Variants in ZC3H13 observed in about 807,000 individuals in gnomAD.
ZC3H13 encodes the protein zinc finger CCCH-type containing 13.
ZC3H13 carries 64 observed loss-of-function variants against 204.1 expected under a neutral mutation model. The observed-to-expected ratio is 0.31, with a 90% CI of 0.26 to 0.39. The LOEUF (loss-of-function observed/expected upper bound fraction) is 0.39. ZC3H13 is among the 10% of genes least tolerant of loss of function. The pLI is 1.00. For missense variants in ZC3H13, 1,833 were observed against 2,082.7 expected (o/e 0.88, Z 2.33); for synonymous variants, 667 against 693.7 (o/e 0.96, Z 0.60).
At chr13:45,991,779 T>G (rs1288229850) in intron 8 of ZC3H13, among the ~76,000 whole-genome samples, 1 of 152,212 alleles carries the variant, frequency 6.6e-6, no homozygotes, top group East Asian at 1.9e-4. Context: ...CAGGGAAAGT[T>G]GATCTTTGGT....
At chr13:45,991,362 C>T (rs1038134091) in intron 8 of ZC3H13, among the ~76,000 whole-genome samples, 8 of 152,144 alleles carry the variant, frequency 5.3e-5, no homozygotes, top group South Asian at 4.1e-4. Flanking sequence ...TTAGGATAAT[C>T]GGGCTATCAC....
rs1297598133 is a variant in ZC3H13, at chr13:45,975,905, TA to T, written c.1913-68del. On this transcript the variant is annotated intron_variant, in intron 11 of 18. Transcript: ENST00000679008. ...ATAACCTATTGGTAAGACAGCATGG[TA>T]AATCTTAAATTTTATCTGTGATAGG... 4 of 1,439,010 alleles carry T rather than the reference TA, an allele frequency of 2.8e-6. No homozygotes were observed. The African/African-American group carries it at 9.3e-5, about 34-fold the overall frequency. 89.1% of individuals were successfully genotyped at this position (1,439,010 alleles called of 1,614,324 possible). A position where few individuals can be genotyped will look rare whatever the true frequency, so the allele number is the denominator to read the frequency against.
At chr13:45,997,467 A>G (rs1326401) in intron 8 of ZC3H13, among the ~76,000 whole-genome samples, 34,796 of 152,074 alleles carry the variant, frequency 0.23, 4,859 homozygotes, top group Middle Eastern at 0.33. Context: ...ACACATACAC[A>G]GGCAAAGTTT....
At position 46,020,472 on chromosome 13, in the gene ZC3H13, A is replaced by T. The variant is rs758213434; in HGVS notation, c.425T>A (p.Val142Glu). The change falls in exon 5 of 19, where the codon GTA becomes GAA. Residue 142 changes from valine (V) to glutamate (E), a missense_variant. Coordinates refer to ENST00000679008, the MANE Select transcript of ZC3H13 (RefSeq NM_001330564.2). ...ACCATCTCTATTAGTTTCCCATTCT[A>T]CATTTTCTTCTTCACTTTCTGGAGT... Reference protein sequence around the residue: ...ERTPESEEENVEWETNRDDSD... With the variant: ...ERTPESEEENEEWETNRDDSD... 5.0e-6 allele frequency: 8 copies of T among 1,610,028 alleles called. No homozygotes were observed. Among genetic ancestry groups the T allele is most frequent in the Non-Finnish European group, 6.8e-6 (8 of 1,178,106 alleles).
intron 4 of ZC3H13, among the ~76,000 whole-genome samples, chr13:46,041,736 C>T (rs1164754725): frequency 6.6e-6 from 1 of 152,138 alleles, no homozygotes; most frequent in Non-Finnish European, 1.5e-5. Flanking sequence ...CTTTCTTTTA[C>T]CTCAACTTTC....
At position 45,969,970 on chromosome 13, in the gene ZC3H13, A is replaced by T; in HGVS notation, c.2574T>A (p.Asn858Lys). 1 of 1,603,126 alleles carries T rather than the reference A, an allele frequency of 6.2e-7. No individual in the cohort carries two copies. Among genetic ancestry groups the T allele is most frequent in the Non-Finnish European group, 8.5e-7 (1 of 1,176,954 alleles). ...CTTGGCTCAAGAGTCTGTGTTTTTC[A>T]TCTATATAAAAGATAAAAGCAATCA... ...SDAYNSGDDKNEKHRLLSQVV... is the reference protein window; with the variant it reads ...SDAYNSGDDKKEKHRLLSQVV... Residue 858 changes from asparagine to lysine, a missense_variant and splice_region_variant, in exon 14 of 19, where the codon AAT becomes AAA. Transcript: ENST00000679008.
chr13:46,052,363 T>C (rs1687332006), intron 1 of ZC3H13, 41 bp downstream of exon 1: 2 of 394,374 alleles, frequency 5.1e-6, no homozygotes, highest in Admixed American at 4.4e-5. Context: ...GTCCGCTCAA[T>C]GCCTTCCCCA....
In ZC3H13 at chr13:46,042,257, T is replaced by C. The variant is rs1387048919; in HGVS notation, c.246A>G (p.Thr82=). 6.2e-7 allele frequency: 1 copy of C among 1,612,698 alleles called. No homozygotes were observed. Among genetic ancestry groups the C allele is most frequent in the African/African-American group, 1.3e-5 (1 of 74,882 alleles). ...TCTTCATTCTTTCTCTAAGATCCCC[T>C]GTAGGTCTTTCTGGTGACCTTTGAA... ...SNYRRSPERP[T]GDLRERMKNK... Residue 82 remains threonine, a synonymous_variant, in exon 4 of 19, where the codon ACA becomes ACG. Coordinates refer to ENST00000679008, the MANE Select transcript of ZC3H13 (RefSeq NM_001330564.2).
rs1018839877 is a variant in ZC3H13 at position 45,955,611 on chromosome 13, A to G, written c.*1516T>C. On this transcript the variant is annotated 3_prime_UTR_variant, in exon 19 of 19. Transcript: ENST00000679008. ...TTAAATCTTTGTGCTACAGAGAACA[A>G]TATTATCCACTAAAATCAGGAAGTG... The G allele has an allele frequency of 6.6e-6, 1 of 152,146 alleles. No individual in the cohort carries two copies. Among genetic ancestry groups the G allele is most frequent in the African/African-American group, 2.4e-5 (1 of 41,432 alleles). 9.4% of individuals were successfully genotyped at this position (152,146 alleles called of 1,614,324 possible). A position where few individuals can be genotyped will look rare whatever the true frequency, so the allele number is the denominator to read the frequency against.
chr13:45,956,197 C>T lies in ZC3H13; in HGVS notation c.*930G>A, dbSNP rs1358215533. 2 of 152,042 alleles carry T rather than the reference C, an allele frequency of 1.3e-5. No homozygotes were observed. The highest frequency in any genetic ancestry group is 2.9e-5 in the Non-Finnish European group (2 of 67,974). 9.4% of individuals were successfully genotyped at this position (152,042 alleles called of 1,614,324 possible). On this transcript the variant is annotated 3_prime_UTR_variant, in exon 19 of 19. Transcript: ENST00000679008. ...AAAAATATGATAGTAGAATATTAAA[C>T]CTCAGGTTACGTTAGGTTTGTTAAC...
intron 10 of ZC3H13, 65 bp downstream of exon 10, chr13:45,985,232 G>T (rs1166368243): frequency 2.2e-6 from 3 of 1,393,648 alleles, no homozygotes; most frequent in Non-Finnish European, 2.9e-6. Flanking sequence ...CAACATATTA[G>T]AAATCTTAGG....
intron 5 of ZC3H13, 42 bp from the exon 6 acceptor site, chr13:46,011,596 T>C (rs373368898): frequency 2.8e-5 from 41 of 1,464,486 alleles, no homozygotes; most frequent in South Asian, 4.1e-5. Context: ...CTAGCATAAT[T>C]ATCTATGCCA....
At position 46,052,644 on chromosome 13, in the gene ZC3H13, G is replaced by C. The variant is rs2044568709; in HGVS notation, c.-250C>G. On this transcript the variant is annotated 5_prime_UTR_variant, in exon 1 of 19. Coordinates refer to ENST00000679008, the MANE Select transcript of ZC3H13 (RefSeq NM_001330564.2). The stretch of plus-strand genomic sequence containing the variant: ...CAGGGTCAAGCGAAACTGGGTCGCA[G>C]GAAGAAAAATAACGAAGAGATTGTA... 1 of 398,632 alleles carries C rather than the reference G, an allele frequency of 2.5e-6. No homozygotes were observed. Among genetic ancestry groups the C allele is most frequent in the Admixed American group, 4.4e-5 (1 of 22,712 alleles). The allele number at this position is 398,632 out of a possible 1,614,324, so 24.7% of individuals were successfully genotyped here. A position where few individuals can be genotyped will look rare whatever the true frequency, so the allele number is the denominator to read the frequency against.
At chr13:46,000,367 T>TG (rs2040655503) in intron 8 of ZC3H13, among the ~76,000 whole-genome samples, 1 of 152,266 alleles carries the variant, frequency 6.6e-6, no homozygotes, top group Non-Finnish European at 1.5e-5. Flanking sequence ...AACTTGCCGC[T>TG]GCTTCTTCAT....
intron 10 of ZC3H13, among the ~76,000 whole-genome samples, chr13:45,984,915 G>A (rs1358869619): frequency 3.9e-5 from 6 of 152,142 alleles, no homozygotes; most frequent in Non-Finnish European, 2.9e-5. Context: ...CATTTCTGAT[G>A]CCAACAATTC....
chr13:45,959,979 T>C (rs1008353485), intron 17 of ZC3H13, among the ~76,000 whole-genome samples: 2 of 152,140 alleles, frequency 1.3e-5, no homozygotes, highest in Non-Finnish European at 2.9e-5. Context: ...TGAGATAAAG[T>C]ATCTCTCTGT....
chr13:46,011,360 T>C, intron 6 of ZC3H13, 55 bp downstream of exon 6: 1 of 1,494,056 alleles, frequency 6.7e-7, no homozygotes, highest in Middle Eastern at 1.8e-4. Context: ...AGTTATCTGA[T>C]CAATACAAAT....
chr13:46,011,385 CT>C (rs1169028153), intron 6 of ZC3H13, 29 bp downstream of exon 6: 37 of 1,575,070 alleles, frequency 2.3e-5, no homozygotes, highest in Non-Finnish European at 3.2e-5. Context: ...CTATTAAGTA[CT>C]AACATATTTA....
At position 45,969,729 on chromosome 13, in the gene ZC3H13, C is replaced by T. The variant is rs1017596856; in HGVS notation, c.2815G>A (p.Gly939Arg). The T allele has an allele frequency of 1.9e-6, 3 of 1,613,754 alleles. No homozygotes were observed. The highest frequency in any genetic ancestry group is 2.5e-6 in the Non-Finnish European group (3 of 1,180,004). ...SSRMRAQDII[G>R]HHQSEDRETS... ...TCTCGATCTTCAGACTGGTGGTGTC[C>T]TATAATGTCCTGTGCACGCATTCTT... The change falls in exon 14 of 19, where the codon GGA becomes AGA. Residue 939 changes from glycine to arginine, a missense_variant. Transcript: ENST00000679008.
Sources: gnomAD v4.1 joint callset for allele counts (sites outside exome capture counted in the v4.1 genomes callset) on GRCh38, gnomAD v4.1.1 for gene constraint, MANE v1.5 for transcripts, NCBI Gene and HGNC (gene_info 2026-07-23, HGNC 2026-07-21) for gene names.